Variants in PUSL1 observed in about 807,000 individuals in gnomAD.
The protein encoded by PUSL1 is tRNA pseudouridine synthase-like 1.
PUSL1 carries 51 observed loss-of-function variants against 30.7 expected under a neutral mutation model. The ratio of observed to expected loss-of-function variants is 1.66; its 90% CI spans 1.33 to 2.10. PUSL1 has a LOEUF of 2.10. Among genes scored for constraint, PUSL1 ranks in the 30% most tolerant of loss-of-function variants. PUSL1 has a pLI of 0.00. For missense variants in PUSL1, 609 were observed against 427.6 expected, an observed-to-expected ratio of 1.42 and a Z score of -3.74; for synonymous variants, 290 against 192.1, an observed-to-expected ratio of 1.51 and a Z score of -4.21.
intron 3 of PUSL1, 37 bp from the exon 4 acceptor site, chr1:1,309,405 CGCGGGCGGGCGG>C: frequency 6.5e-7 from 1 of 1,533,832 alleles, no homozygotes; most frequent in Non-Finnish European, 8.8e-7. Flanking sequence ...AATGTGACAC[CGCGGGCGGGCGG>C]GGTCGTTCCT....
chr1:1,311,186 C>G, intron 7 of PUSL1, 115 bp downstream of exon 7: 2 of 1,439,966 alleles, frequency 1.4e-6, no homozygotes, highest in Non-Finnish European at 1.9e-6. Flanking sequence ...GAAGCAGCCC[C>G]CCGCCCAGGG....
At chr1:1,311,192 C>G in intron 7 of PUSL1, 121 bp downstream of exon 7, 1 of 1,414,436 alleles carries the variant, frequency 7.1e-7, no homozygotes, top group South Asian at 1.3e-5. Context: ...GCCCCCCGCC[C>G]AGGGCTGCAG....
chr1:1,310,189 C>T (rs1227235293), intron 5 of PUSL1: 2 of 361,186 alleles, frequency 5.5e-6, no homozygotes, highest in Non-Finnish European at 1.0e-5. Context: ...CCGAGGGCCA[C>T]CCACCAGGTG....
At position 1,308,664 on chromosome 1, in the gene PUSL1, AG is replaced by A; in HGVS notation, c.23del (p.Gly8AlafsTer44). On this transcript the variant is annotated frameshift_variant, in exon 1 of 8. Transcript: ENST00000379031. LOFTEE classifies it high-confidence loss of function. MSSAPAS[G>X]SVRARYLVYF... ...CCGCCATGAGTTCGGCGCCGGCCTC[AG>A]GCTCCGTGCGCGCGCGCTATCTTGT... 1 of 1,534,954 alleles carries A rather than the reference AG, an allele frequency of 6.5e-7. No homozygotes were observed. The highest frequency in any genetic ancestry group is 8.7e-7 in the Non-Finnish European group (1 of 1,145,324).
At chr1:1,311,266 A>C (rs1012690633) in intron 7 of PUSL1, 64 bp from the exon 8 acceptor site, 1 of 1,462,182 alleles carries the variant, frequency 6.8e-7, no homozygotes, top group Non-Finnish European at 9.1e-7. Context: ...GAGTGGTCTC[A>C]GCGGTGGGGA....
Position 1,308,600 on chromosome 1 carries a change from C to G in PUSL1, c.-44C>G. The G allele has an allele frequency of 9.6e-7, 1 of 1,046,400 alleles. No homozygotes were observed. Among genetic ancestry groups the G allele is most frequent in the African/African-American group, 1.9e-5 (1 of 53,406 alleles). The allele number at this position is 1,046,400 out of a possible 1,614,324, so 64.8% of individuals were successfully genotyped here. A position where few individuals can be genotyped will look rare whatever the true frequency, so the allele number is the denominator to read the frequency against. ...GCCGCGTCCGCGCGCGCGCAGGATT[C>G]CTGCGCTGGAGGCCGCCTCTGACGC... On this transcript the variant is annotated 5_prime_UTR_variant, in exon 1 of 8. Transcript: ENST00000379031.
intron 3 of PUSL1, 63 bp from the exon 4 acceptor site, chr1:1,309,391 A>C: frequency 2.0e-6 from 3 of 1,514,112 alleles, no homozygotes; most frequent in Non-Finnish European, 2.7e-6. Context: ...GGGGAAGGAG[A>C]GCCAATGTGA....
intron 3 of PUSL1, 54 bp downstream of exon 3, chr1:1,309,327 C>A: frequency 6.9e-7 from 1 of 1,448,894 alleles, no homozygotes; most frequent in Non-Finnish European, 9.2e-7. Context: ...CTCCATCTGT[C>A]GCGGGCGGAG....
Position 1,311,041 on chromosome 1 carries a change from TTCC to T in PUSL1, c.835_837del (p.Leu279del), listed in dbSNP as rs758543986. ...ACGTGTAGCCCCAGCCCACGGCTTATTCCTCAAGTCAGTGCTGTACGGGAACCT... is the reference window on the plus strand; with the variant it reads ...ACGTGTAGCCCCAGCCCACGGCTTATTCAAGTCAGTGCTGTACGGGAACCT... On this transcript the variant is annotated inframe_deletion, in exon 7 of 8. Coordinates refer to ENST00000379031, the MANE Select transcript of PUSL1 (RefSeq NM_153339.3). 6 of 1,612,030 alleles carry T rather than the reference TTCC, an allele frequency of 3.7e-6. No homozygotes were observed. The South Asian group carries it at 4.4e-5, about 12-fold the overall frequency.
Position 1,310,968 on chromosome 1 carries a change from G to C in PUSL1, c.759G>C (p.Gln253His), listed in dbSNP as rs564930331. ...AVGLGALAPAQVKTILESQDP... is the reference protein window; with the variant it reads ...AVGLGALAPAHVKTILESQDP... ...GGCTGGGGGCTTTGGCACCTGCCCAGGTGAAGACGATTCTGGAGAGCCAAG... is the reference window on the plus strand; with the variant it reads ...GGCTGGGGGCTTTGGCACCTGCCCACGTGAAGACGATTCTGGAGAGCCAAG... Residue 253 changes from glutamine (Q) to histidine (H), a missense_variant, in exon 7 of 8, where the codon CAG becomes CAC. Physicochemically the swap from Gln to His is conservative, Grantham distance 24 (BLOSUM62 0). Transcript: ENST00000379031. 6.2e-7 allele frequency: 1 copy of C among 1,612,992 alleles called. No individual in the cohort carries two copies. Among genetic ancestry groups the C allele is most frequent in the Non-Finnish European group, 8.5e-7 (1 of 1,179,950 alleles).
In PUSL1 at chr1:1,309,233, G is replaced by A. The variant is rs1391916448; in HGVS notation, c.283G>A (p.Ala95Thr). The A allele has an allele frequency of 1.3e-6, 2 of 1,515,974 alleles. No homozygotes were observed. The highest frequency in any genetic ancestry group is 4.8e-5 in the East Asian group (2 of 42,030). The allele number at this position is 1,515,974 out of a possible 1,614,324, so 93.9% of individuals were successfully genotyped here. ...GRPPFPPEVL[A>T]EALNTHLRHP... ...GCCGCCCTTCCCGCCCGAGGTCCTGGCCGAGGCCCTCAACACACACCTGCG... is the reference window on the plus strand; with the variant it reads ...GCCGCCCTTCCCGCCCGAGGTCCTGACCGAGGCCCTCAACACACACCTGCG... Residue 95 changes from alanine to threonine, a missense_variant, in exon 3 of 8, where the codon GCC becomes ACC. Coordinates refer to ENST00000379031, the MANE Select transcript of PUSL1 (RefSeq NM_153339.3).
chr1:1,311,102 C>T (rs536181846), intron 7 of PUSL1, 31 bp downstream of exon 7: 3 of 1,576,070 alleles, frequency 1.9e-6, no homozygotes, highest in Admixed American at 1.7e-5. Flanking sequence ...AAGCTCCTGT[C>T]ATGTGCCCAG....
At chr1:1,310,709 G>A (rs758612585) in intron 6 of PUSL1, 21 bp downstream of exon 6, 34 of 1,611,210 alleles carry the variant, frequency 2.1e-5, no homozygotes, top group Middle Eastern at 1.6e-4. Flanking sequence ...TTCTGGGGCC[G>A]TCCCCAGGGG....
chr1:1,311,420 A>C lies in PUSL1; in HGVS notation c.*41A>C, dbSNP rs1203109515. 1.3e-6 allele frequency: 2 copies of C among 1,579,978 alleles called. No individual in the cohort carries two copies. Among genetic ancestry groups the C allele is most frequent in the East Asian group, 2.3e-5 (1 of 43,674 alleles). On this transcript the variant is annotated 3_prime_UTR_variant, in exon 8 of 8. Coordinates refer to ENST00000379031, the MANE Select transcript of PUSL1 (RefSeq NM_153339.3). ...CCAAAGTTAGGCCACACCAGGCCCA[A>C]CCCTGTGCTGGTCAAGCCAGGGCAG...
intron 5 of PUSL1, chr1:1,310,135 C>A (rs1031967061): frequency 6.5e-6 from 3 of 463,206 alleles, no homozygotes; most frequent in Non-Finnish European, 1.2e-5. Context: ...CTCACTGGTG[C>A]CAGTGGTTCT....
At chr1:1,310,229 G>A (rs1010813745) in intron 5 of PUSL1, 5 of 346,440 alleles carry the variant, frequency 1.4e-5, no homozygotes, top group South Asian at 1.0e-4. Context: ...TCCCCTATTG[G>A]GGTGAGCCCT....
At chr1:1,310,491 C>G in intron 5 of PUSL1, 143 bp from the exon 6 acceptor site, 6 of 690,884 alleles carry the variant, frequency 8.7e-6, no homozygotes, top group Non-Finnish European at 1.5e-5. Flanking sequence ...GGCAGGAGAT[C>G]AGCCAGGGCC....
rs558415805 is a variant in PUSL1 at position 1,311,410 on chromosome 1, A to G, written c.*31A>G. ...GACACTCAAGCCAAAGTTAGGCCACACCAGGCCCAACCCTGTGCTGGTCAA... is the reference window on the plus strand; with the variant it reads ...GACACTCAAGCCAAAGTTAGGCCACGCCAGGCCCAACCCTGTGCTGGTCAA... On this transcript the variant is annotated 3_prime_UTR_variant, in exon 8 of 8. Coordinates refer to ENST00000379031, the MANE Select transcript of PUSL1 (RefSeq NM_153339.3). 8.8e-6 allele frequency: 14 copies of G among 1,588,272 alleles called. No homozygotes were observed. Among genetic ancestry groups the G allele is most frequent in the South Asian group, 1.1e-5 (1 of 87,880 alleles).
At chr1:1,308,831 G>C in intron 1 of PUSL1, 84 bp from the exon 2 acceptor site, 1 of 1,442,590 alleles carries the variant, frequency 6.9e-7, no homozygotes, top group South Asian at 1.4e-5. Flanking sequence ...AACGTTCGGG[G>C]AAGGAAGCGG....
Sources: gnomAD v4.1 joint callset for allele counts on GRCh38, gnomAD v4.1.1 for gene constraint, MANE v1.5 for transcripts, NCBI Gene and HGNC (gene_info 2026-07-23, HGNC 2026-07-21) for gene names.